The following ITSN2 variants were observed in gnomAD, a reference collection of about 807,000 sequenced individuals.
The protein encoded by ITSN2 is intersectin 2, also known as intersectin-2.
ITSN2 carries 156 observed loss-of-function variants against 243.7 expected under a neutral mutation model. The observed-to-expected ratio is 0.64, with a 90% CI of 0.56 to 0.73. The LOEUF (loss-of-function observed/expected upper bound fraction) is 0.73, where lower values mean the gene tolerates loss of function less well. Ranked by LOEUF, ITSN2 falls within the 30% of genes least tolerant of loss-of-function variation. ITSN2 has a pLI of 0.00. For synonymous variants in ITSN2, 703 were observed against 699.9 expected (o/e 1.00, Z -0.07); for missense variants, 1,801 against 1,996.1 (o/e 0.90, Z 1.86).
intron 1 of ITSN2, among the ~76,000 whole-genome samples, chr2:24,337,342 A>ATATATATG: frequency 8.6e-6 from 1 of 115,958 alleles, no homozygotes. Flanking sequence ...ATATATATAT[A>ATATATATG]TATATATATA....
chr2:24,305,576 C>CAAAA (rs537945691), intron 8 of ITSN2, among the ~76,000 whole-genome samples: 45 of 40,882 alleles, frequency 1.1e-3, no homozygotes, highest in African/African-American at 2.0e-3. Flanking sequence ...GACTCTGTCT[C>CAAAA]AAAAAAAAAA....
rs539965334 is a variant in ITSN2 at position 24,315,033 on chromosome 2, G to A, written c.124+99C>T. On this transcript the variant is annotated intron_variant, in intron 3 of 39. Coordinates refer to ENST00000355123, the MANE Select transcript of ITSN2 (RefSeq NM_006277.3). ...AATTCTGATTGATATGAATTTTATC[G>A]TTTATTAACACAAATTTGATGGCAG... is the stretch of plus-strand genomic sequence containing the variant. 5.9e-4 allele frequency: 294 copies of A among 500,132 alleles called. 2 individuals are homozygous for A. In the South Asian group the frequency reaches 0.011, roughly 18 times the overall value. The allele number at this position is 500,132 out of a possible 1,614,324, so 31.0% of individuals were successfully genotyped here. A position where few individuals can be genotyped will look rare whatever the true frequency, so the allele number is the denominator to read the frequency against.
In ITSN2 at chr2:24,315,119, T is replaced by C; in HGVS notation, c.124+13A>G. The C allele has an allele frequency of 6.8e-7, 1 of 1,463,676 alleles. No individual in the cohort carries two copies. The highest frequency in any genetic ancestry group is 9.5e-7 in the Non-Finnish European group (1 of 1,053,808). 90.7% of individuals were successfully genotyped at this position (1,463,676 alleles called of 1,614,324 possible). A position where few individuals can be genotyped will look rare whatever the true frequency, so the allele number is the denominator to read the frequency against. ...ACCATAATTCACTAATAAAACTAAT[T>C]ATAAATACAAACCTGTTATGTAACC... On this transcript the variant is annotated intron_variant, in intron 3 of 39. Transcript: ENST00000355123.
chr2:24,295,732 G>A lies in ITSN2; in HGVS notation c.1567C>T (p.Leu523=), dbSNP rs372749924. 7.0e-6 allele frequency: 11 copies of A among 1,564,528 alleles called. No individual in the cohort carries two copies. The highest frequency in any genetic ancestry group is 9.5e-6 in the Non-Finnish European group (11 of 1,162,448). The change falls in exon 14 of 40, where the codon CTG becomes TTG. Residue 523 remains leucine, a synonymous_variant. Coordinates refer to ENST00000355123, the MANE Select transcript of ITSN2 (RefSeq NM_006277.3). The stretch of plus-strand genomic sequence containing the variant: ...TCACACTGCTTATCCAGAACTTCCA[G>A]CTCAGTCTTTTGAGTTTGCTTTTTG... ...RLKKQTQKTE[L]EVLDKQCDLE... is the part of the protein sequence containing the mutation.
chr2:24,223,683 C>CCA (rs757133165), intron 29 of ITSN2, among the ~76,000 whole-genome samples: 16,107 of 87,192 alleles, frequency 0.18, 1,402 homozygotes, highest in African/African-American at 0.34. Context: ...GACCCTGTTT[C>CCA]AAAAAAAAAA....
In ITSN2 at chr2:24,211,573, C is replaced by T. The variant is rs973479091; in HGVS notation, c.4090-626G>A. On this transcript the variant is annotated intron_variant, in intron 33 of 39. Coordinates refer to ENST00000355123, the MANE Select transcript of ITSN2 (RefSeq NM_006277.3). The surrounding 1 kb of genome is among the most constrained non-coding windows in gnomAD (Gnocchi z 4.1). Reference sequence around the variant, plus strand: ...AATTAGGAGCCATCACCAGATGCCCCGTCTGGACTCTCTCACTCTAGTCAG... The same window carrying T: ...AATTAGGAGCCATCACCAGATGCCCTGTCTGGACTCTCTCACTCTAGTCAG... 6.6e-6 allele frequency among the ~76,000 whole-genome samples: 1 copy of T among 152,156 alleles called. No homozygotes were observed. The highest frequency in any genetic ancestry group is 2.4e-5 in the African/African-American group (1 of 41,414).
chr2:24,291,408 C>A (rs967807486), intron 15 of ITSN2, among the ~76,000 whole-genome samples: 1 of 152,064 alleles, frequency 6.6e-6, no homozygotes, highest in African/African-American at 2.4e-5. Context: ...GGATTACAGG[C>A]ATGAGCCACA....
chr2:24,313,872 G>T (rs1184805743), intron 3 of ITSN2, among the ~76,000 whole-genome samples: 1 of 152,186 alleles, frequency 6.6e-6, no homozygotes, highest in Non-Finnish European at 1.5e-5. Context: ...AGTACCAGGT[G>T]TTAGGAGAGA....
intron 1 of ITSN2, chr2:24,330,335 T>G (rs75978024): frequency 2.1e-6 from 1 of 471,824 alleles, no homozygotes; most frequent in African/African-American, 2.0e-5. Context: ...AACCCCGGAC[T>G]GACCAAAGCC....
intron 15 of ITSN2, among the ~76,000 whole-genome samples, chr2:24,287,761 A>C (rs1679701333): frequency 6.6e-6 from 1 of 152,044 alleles, no homozygotes; most frequent in African/African-American, 2.4e-5. Context: ...ATTATATTTC[A>C]ATGTGGTTTA....
intron 3 of ITSN2, among the ~76,000 whole-genome samples, chr2:24,314,038 A>T (rs1211360322): frequency 2.6e-5 from 4 of 152,254 alleles, no homozygotes; most frequent in African/African-American, 9.6e-5. Flanking sequence ...GAGACAAGGG[A>T]CAAACTTGCT....
intron 11 of ITSN2, 92 bp downstream of exon 11, chr2:24,301,062 A>G (rs1381429130): frequency 1.4e-6 from 1 of 691,726 alleles, no homozygotes; most frequent in Non-Finnish European, 2.4e-6. Flanking sequence ...ATCAAATATT[A>G]AAAATATAAA....
rs761334357 is a variant in ITSN2 at position 24,298,818 on chromosome 2, A to G, written c.1345-4T>C. The G allele has an allele frequency of 1.7e-5, 22 of 1,319,546 alleles. No homozygotes were observed. The Admixed American group carries it at 2.6e-4, about 15-fold the overall frequency. The allele number at this position is 1,319,546 out of a possible 1,614,324, so 81.7% of individuals were successfully genotyped here. A position where few individuals can be genotyped will look rare whatever the true frequency, so the allele number is the denominator to read the frequency against. On this transcript the variant is annotated splice_region_variant and splice_polypyrimidine_tract_variant and intron_variant, in intron 12 of 39. Coordinates refer to ENST00000355123, the MANE Select transcript of ITSN2 (RefSeq NM_006277.3). ...GTTCAAGTTCCTGTTTTGCTGCCTG[A>G]AAAAAAAAAGGAATTATACTTAATT...
chr2:24,252,262 T>C (rs1574019220), intron 25 of ITSN2, 83 bp downstream of exon 25: 1 of 993,788 alleles, frequency 1.0e-6, no homozygotes, highest in Non-Finnish European at 1.5e-6. Flanking sequence ...TTAACAAGAA[T>C]GGGTTGATTT....
At chr2:24,234,673 A>G (rs1671960083) in intron 29 of ITSN2, among the ~76,000 whole-genome samples, 1 of 152,266 alleles carries the variant, frequency 6.6e-6, no homozygotes, top group Non-Finnish European at 1.5e-5. Flanking sequence ...AAATAAAAAA[A>G]TGGGCCAAAG....
At chr2:24,355,871 C>T (rs1447952404) in intron 1 of ITSN2, among the ~76,000 whole-genome samples, 1 of 151,972 alleles carries the variant, frequency 6.6e-6, no homozygotes, top group Non-Finnish European at 1.5e-5. Flanking sequence ...TCCAGACCAG[C>T]CTGGCCTGCA....
intron 32 of ITSN2, among the ~76,000 whole-genome samples, chr2:24,213,750 T>A (rs182521759): frequency 5.2e-4 from 79 of 152,346 alleles, no homozygotes; most frequent in Non-Finnish European, 2.9e-4. Context: ...CTAACAATTC[T>A]CAGTTTATCT....
At chr2:24,302,277 C>A (rs1367784825) in intron 9 of ITSN2, among the ~76,000 whole-genome samples, 175 bp from the exon 10 acceptor site, 1 of 152,112 alleles carries the variant, frequency 6.6e-6, no homozygotes, top group Non-Finnish European at 1.5e-5. Context: ...CAGCTCACTG[C>A]AAGCTCCGCC....
chr2:24,357,327 G>T (rs184162965), intron 1 of ITSN2, among the ~76,000 whole-genome samples: 72 of 152,270 alleles, frequency 4.7e-4, no homozygotes, highest in South Asian at 3.5e-3. Context: ...TCCTTTGCAG[G>T]GACATGGACG....
Sources: gnomAD v4.1 joint callset for allele counts (sites outside exome capture counted in the v4.1 genomes callset) on GRCh38, gnomAD v4.1.1 for gene constraint, Gnocchi (gnomAD v3.1) non-coding constraint, MANE v1.5 for transcripts, NCBI Gene and HGNC (gene_info 2026-07-23, HGNC 2026-07-21) for gene names.